The following TMED3 variants were observed in gnomAD, a reference collection of about 807,000 sequenced individuals.
TMED3 encodes the protein transmembrane p24 trafficking protein 3, also known as transmembrane emp24 domain-containing protein 3.
TMED3 carries 9 observed loss-of-function variants against 15.0 expected under a neutral mutation model. The ratio of observed to expected loss-of-function variants is 0.60; its 90% CI spans 0.36 to 1.04. The LOEUF (loss-of-function observed/expected upper bound fraction) is 1.04, where lower values mean the gene tolerates loss of function less well. Ranked by LOEUF, TMED3 falls within the 50% of genes least tolerant of loss-of-function variation. The pLI is 0.01. For synonymous variants in TMED3, 117 were observed against 121.4 expected, an observed-to-expected ratio of 0.96 and a Z score of 0.24; for missense variants, 267 against 278.9, an observed-to-expected ratio of 0.96 and a Z score of 0.30.
intron 2 of TMED3, among the ~76,000 whole-genome samples, chr15:79,377,662 T>C (rs1893452081): frequency 1.3e-5 from 2 of 150,640 alleles, no homozygotes; most frequent in Admixed American, 6.6e-5. Context: ...TTTTTTTTTT[T>C]TTTGAGACGG....
At chr15:79,409,575 A>G (rs1893944245) in intron 2 of TMED3, among the ~76,000 whole-genome samples, 1 of 152,234 alleles carries the variant, frequency 6.6e-6, no homozygotes, top group South Asian at 2.1e-4. Context: ...TGTGTAAAAT[A>G]AGGTCGTTGG....
chr15:79,369,946 C>G (rs1893305193), intron 2 of TMED3, among the ~76,000 whole-genome samples: 1 of 152,200 alleles, frequency 6.6e-6, no homozygotes, highest in South Asian at 2.1e-4. Context: ...TCTGCTCAAG[C>G]AGGGCAGAAG....
At chr15:79,408,022 A>C (rs1379234634) in intron 2 of TMED3, among the ~76,000 whole-genome samples, 1 of 152,186 alleles carries the variant, frequency 6.6e-6, no homozygotes, top group Non-Finnish European at 1.5e-5. Flanking sequence ...CTGCTTTACA[A>C]AGTCGTTGGA....
At chr15:79,340,099 G>C (rs1035987398) in intron 2 of TMED3, among the ~76,000 whole-genome samples, 44 of 152,268 alleles carry the variant, frequency 2.9e-4, no homozygotes, top group Middle Eastern at 6.8e-3. Context: ...AGTAAATACT[G>C]TTTAAAGTAC....
At chr15:79,379,988 A>G (rs981984726) in intron 2 of TMED3, among the ~76,000 whole-genome samples, 1 of 152,196 alleles carries the variant, frequency 6.6e-6, no homozygotes, top group East Asian at 1.9e-4. Context: ...ATCTGCAGGA[A>G]TGAGTCAGTG....
chr15:79,349,049 G>A (rs2058881650), intron 2 of TMED3, among the ~76,000 whole-genome samples: 1 of 152,138 alleles, frequency 6.6e-6, no homozygotes, highest in Non-Finnish European at 1.5e-5. Flanking sequence ...TATTGCCCAG[G>A]GTGGTCTCGA....
chr15:79,324,522 C>T (rs2058780597), downstream of TMED3, among the ~76,000 whole-genome samples: 1 of 152,034 alleles, frequency 6.6e-6, no homozygotes, highest in Non-Finnish European at 1.5e-5. Context: ...ATCAAATCGT[C>T]TTAGTAATTA....
intron 2 of TMED3, among the ~76,000 whole-genome samples, chr15:79,380,919 G>GT (rs757662205): frequency 6.6e-6 from 1 of 152,068 alleles, no homozygotes; most frequent in Non-Finnish European, 1.5e-5. Flanking sequence ...ACATCCTGCA[G>GT]TTTTTTTACA....
chr15:79,327,738 C>T (rs971725854), downstream of TMED3, among the ~76,000 whole-genome samples: 1 of 152,100 alleles, frequency 6.6e-6, no homozygotes, highest in African/African-American at 2.4e-5. Context: ...AAAGTATTGT[C>T]AGACATTCTT....
downstream of TMED3, among the ~76,000 whole-genome samples, chr15:79,324,834 A>T (rs2058781638): frequency 6.6e-6 from 1 of 152,130 alleles, no homozygotes; most frequent in African/African-American, 2.4e-5. Flanking sequence ...GTTGGGGCTG[A>T]CCTTTCTGGA....
At chr15:79,344,429 T>C (rs990720893) in intron 2 of TMED3, among the ~76,000 whole-genome samples, 2 of 152,174 alleles carry the variant, frequency 1.3e-5, no homozygotes, top group African/African-American at 4.8e-5. Flanking sequence ...GAAGAGCTCA[T>C]TCCATGTCTC....
chr15:79,412,056 T>G (rs1893990461), exon 3 of TMED3: 3 of 139,396 alleles, frequency 2.2e-5, no homozygotes, highest in Non-Finnish European at 3.2e-5. Flanking sequence ...ACAGCTCCTG[T>G]GCTGGCAAAC....
rs966486086 is a variant in TMED3 at position 79,322,450 on chromosome 15, C to T, written c.*236C>T. On this transcript the variant is annotated 3_prime_UTR_variant, in exon 3 of 3. Transcript: ENST00000299705. ...GTGTGCAGCGCTGAAAAGACATTTA[C>T]AACTAGGCCAGGGATTAGCCACTGT... 1.5e-6 allele frequency: 2 copies of T among 1,351,790 alleles called. No individual in the cohort carries two copies. The highest frequency in any genetic ancestry group is 2.9e-5 in the African/African-American group (2 of 68,084). The allele number at this position is 1,351,790 out of a possible 1,614,324, so 83.7% of individuals were successfully genotyped here.
exon 3 of TMED3, chr15:79,413,308 G>A (rs2141262610): frequency 6.6e-6 from 1 of 152,338 alleles, no homozygotes; most frequent in East Asian, 1.9e-4. Flanking sequence ...GCACTGGCAG[G>A]TCAATCGTTT....
intron 2 of TMED3, among the ~76,000 whole-genome samples, chr15:79,396,751 C>A (rs1031469755): frequency 2.6e-5 from 4 of 152,170 alleles, no homozygotes; most frequent in African/African-American, 9.7e-5. Flanking sequence ...TGAAGTGAGA[C>A]TTCAGGCAAC....
At chr15:79,325,630 C>G (rs930651390), downstream of TMED3, among the ~76,000 whole-genome samples, 2 of 152,148 alleles carry the variant, frequency 1.3e-5, no homozygotes, top group Non-Finnish European at 2.9e-5. Flanking sequence ...ACGATAGGTC[C>G]TCTGCCAGCT....
At chr15:79,326,795 A>G (rs1356497434), downstream of TMED3, among the ~76,000 whole-genome samples, 1 of 152,186 alleles carries the variant, frequency 6.6e-6, no homozygotes, top group East Asian at 1.9e-4. Flanking sequence ...GTGCTCTTAT[A>G]AAAGAGGCCT....
rs3038058 is a variant in TMED3, at chr15:79,335,298, TAAAC to T, written c.417+21300_417+21303del. 1.8e-3 allele frequency among the ~76,000 whole-genome samples: 277 copies of T among 151,764 alleles called. 4 individuals are homozygous for T. Among genetic ancestry groups the T allele is most frequent in the African/African-American group, 6.4e-3 (266 of 41,378 alleles). On this transcript the variant is annotated intron_variant, in intron 2 of 2. Coordinates refer to the TMED3 transcript ENST00000424155. ...GATATTCCTGGGCTTCTGGGAAAAA[TAAAC>T]AAACAACATTGAAGTTTCATCAAAC...
At chr15:79,384,200 CT>C (rs1260120893) in intron 2 of TMED3, 3 of 152,216 alleles carry the variant, frequency 2.0e-5, no homozygotes, top group African/African-American at 7.2e-5. Context: ...CTCCAGAACT[CT>C]CTCGAGGCAG....
Sources: gnomAD v4.1 joint callset for allele counts (sites outside exome capture counted in the v4.1 genomes callset) on GRCh38, gnomAD v4.1.1 for gene constraint, MANE v1.5 for transcripts, NCBI Gene and HGNC (gene_info 2026-07-23, HGNC 2026-07-21) for gene names.